FAT3: variants seen among roughly 807,000 people sequenced by gnomAD.
FAT3 encodes FAT atypical cadherin 3.
Under a neutral mutation model 310.2 loss-of-function variants are expected in FAT3, and 95 were observed. The ratio of observed to expected loss-of-function variants is 0.31; its 90% CI spans 0.26 to 0.36. The LOEUF (loss-of-function observed/expected upper bound fraction) is 0.36, where lower values mean the gene tolerates loss of function less well. FAT3 is among the 10% of genes least tolerant of loss of function. The pLI is 1.00. For synonymous variants in FAT3, 2,314 were observed against 2,192.9 expected, an observed-to-expected ratio of 1.06 and a Z score of -1.54; for missense variants, 5,408 against 5,715.6, an observed-to-expected ratio of 0.95 and a Z score of 1.74.
chr11:92,535,977 GA>G (rs549369089), intron 3 of FAT3, among the ~76,000 whole-genome samples: 254 of 152,246 alleles, frequency 1.7e-3, no homozygotes, highest in Middle Eastern at 6.8e-3. Context: ...AAAAAGCATT[GA>G]AGTTGCTATC....
chr11:92,237,977 A>G (rs1423728258), intron 1 of FAT3, among the ~76,000 whole-genome samples: 1 of 152,156 alleles, frequency 6.6e-6, no homozygotes, highest in Non-Finnish European at 1.5e-5. Context: ...TTGTTCTGGC[A>G]TCACCCATGT....
rs149150356 is a variant in FAT3 at position 92,854,392 on chromosome 11, A to G, written c.11366-2822A>G. On this transcript the variant is annotated intron_variant, in intron 19 of 27. Transcript: ENST00000525166. ...GGCTGTGCCCAGGAGTGCAGGGTTCACACTTGCCAACTCAGTAGGGGGGTG... is the reference window on the plus strand; with the variant it reads ...GGCTGTGCCCAGGAGTGCAGGGTTCGCACTTGCCAACTCAGTAGGGGGGTG... Among the ~76,000 whole-genome samples the G allele has an allele frequency of 2.0e-5, 3 of 152,166 alleles. No homozygotes were observed. The East Asian group carries it at 5.8e-4, about 30-fold the overall frequency.
intron 3 of FAT3, among the ~76,000 whole-genome samples, chr11:92,560,449 G>GT (rs1307856139): frequency 1.4e-4 from 21 of 150,040 alleles, no homozygotes; most frequent in Middle Eastern, 3.4e-3. Flanking sequence ...TAAAGTCTAG[G>GT]TTTTTTTTTT....
intron 3 of FAT3, among the ~76,000 whole-genome samples, chr11:92,561,615 A>G (rs1017461241): frequency 1.3e-5 from 2 of 151,602 alleles, no homozygotes; most frequent in African/African-American, 2.4e-5. Flanking sequence ...TTATTTATTT[A>G]TCATTTATTT....
intron 3 of FAT3, among the ~76,000 whole-genome samples, chr11:92,594,765 G>A (rs1433761437): frequency 1.3e-5 from 2 of 152,052 alleles, no homozygotes; most frequent in Non-Finnish European, 2.9e-5. Context: ...CAGTAGTACC[G>A]TTGTAAAATC....
chr11:92,228,062 T>C (rs1863996133), intron 1 of FAT3, among the ~76,000 whole-genome samples: 1 of 152,168 alleles, frequency 6.6e-6, no homozygotes, highest in African/African-American at 2.4e-5. Flanking sequence ...CTGTGCACAG[T>C]GCACTGGGAT....
At chr11:92,653,834 T>C (rs1942474912) in intron 3 of FAT3, among the ~76,000 whole-genome samples, 2 of 152,192 alleles carry the variant, frequency 1.3e-5, no homozygotes, top group Admixed American at 6.6e-5. Flanking sequence ...TTCACTAGAA[T>C]AGATTATTTG....
intron 3 of FAT3, among the ~76,000 whole-genome samples, chr11:92,551,666 AG>A (rs1290842534): frequency 2.0e-5 from 3 of 152,188 alleles, no homozygotes; most frequent in Admixed American, 6.5e-5. Context: ...ATGTTATTAG[AG>A]GAGACACACT....
At chr11:92,630,401 G>T (rs1264791766) in intron 3 of FAT3, among the ~76,000 whole-genome samples, 1 of 152,150 alleles carries the variant, frequency 6.6e-6, no homozygotes. Context: ...CCACATATCT[G>T]TTGATGGCAC....
chr11:92,566,658 C>G (rs1955460242), intron 3 of FAT3, among the ~76,000 whole-genome samples: 1 of 150,500 alleles, frequency 6.6e-6, no homozygotes, highest in Admixed American at 6.6e-5. Context: ...CTACAGTAAC[C>G]AAAACAGCAT....
intron 2 of FAT3, among the ~76,000 whole-genome samples, chr11:92,391,557 T>C (rs1048693552): frequency 6.6e-6 from 1 of 152,220 alleles, no homozygotes; most frequent in Non-Finnish European, 1.5e-5. Flanking sequence ...GTCTTCACAG[T>C]AACTTAATTC....
chr11:92,886,179 G>C (rs1434878544), intron 24 of FAT3, among the ~76,000 whole-genome samples: 1 of 152,148 alleles, frequency 6.6e-6, no homozygotes, highest in African/African-American at 2.4e-5. Flanking sequence ...TTGTTGGGTT[G>C]TATTGAATAC....
chr11:92,579,115 A>G (rs1462149247), intron 3 of FAT3, among the ~76,000 whole-genome samples: 1 of 152,148 alleles, frequency 6.6e-6, no homozygotes, highest in African/African-American at 2.4e-5. Context: ...AATTTGTACC[A>G]TAAAAGATCA....
intron 2 of FAT3, among the ~76,000 whole-genome samples, chr11:92,390,014 GC>G (rs1949712643): frequency 6.7e-6 from 1 of 149,642 alleles, no homozygotes; most frequent in African/African-American, 2.4e-5. Context: ...AAAGAAAAAA[GC>G]CTGTTTTTTT....
At chr11:92,480,132 G>A (rs1952178153) in intron 2 of FAT3, among the ~76,000 whole-genome samples, 1 of 152,048 alleles carries the variant, frequency 6.6e-6, no homozygotes, top group Non-Finnish European at 1.5e-5. Context: ...GGGCGTGGTG[G>A]CGGGCGCCTG....
At chr11:92,559,862 A>G (rs1955161016) in intron 3 of FAT3, among the ~76,000 whole-genome samples, 1 of 152,202 alleles carries the variant, frequency 6.6e-6, no homozygotes. Context: ...TCCATTCATC[A>G]GCTGATGGAC....
intron 7 of FAT3, among the ~76,000 whole-genome samples, chr11:92,787,682 A>C (rs1039756109): frequency 3.9e-4 from 59 of 150,190 alleles, no homozygotes; most frequent in African/African-American, 1.4e-3. Context: ...TTTTATTATT[A>C]TAATGATATA....
intron 19 of FAT3, among the ~76,000 whole-genome samples, chr11:92,855,225 C>T (rs1948940438): frequency 1.3e-5 from 2 of 152,154 alleles, no homozygotes; most frequent in African/African-American, 4.8e-5. Context: ...TATGAATAAA[C>T]ATTAAGGCAG....
chr11:92,439,236 C>T (rs1951015644), intron 2 of FAT3, among the ~76,000 whole-genome samples: 1 of 151,440 alleles, frequency 6.6e-6, no homozygotes, highest in Non-Finnish European at 1.5e-5. Context: ...ATTTTTAATG[C>T]TCTTTTAAAA....
Sources: gnomAD v4.1 joint callset for allele counts (sites outside exome capture counted in the v4.1 genomes callset) on GRCh38, gnomAD v4.1.1 for gene constraint, MANE v1.5 for transcripts, NCBI Gene and HGNC (gene_info 2026-07-23, HGNC 2026-07-21) for gene names.